COL19A1: variants seen among roughly 807,000 people sequenced by gnomAD.
COL19A1 encodes the protein collagen alpha-1(XIX) chain.
Under a neutral mutation model 190.2 loss-of-function variants are expected in COL19A1, and 159 were observed. That is an observed-to-expected ratio of 0.84 (90% CI 0.73 to 0.95). The LOEUF (loss-of-function observed/expected upper bound fraction) is 0.95. Among genes scored for constraint, COL19A1 ranks in the 40% least tolerant of loss-of-function variants. The probability of loss-of-function intolerance (pLI) is 0.00; values close to 1 mark genes in which losing one functional copy is unlikely to be tolerated. For missense variants in COL19A1, 1,418 were observed against 1,431.9 expected (o/e 0.99, Z 0.16); for synonymous variants, 509 against 458.9 (o/e 1.11, Z -1.39).
intron 9 of COL19A1, among the ~76,000 whole-genome samples, chr6:69,952,305 G>A (rs951547519): frequency 5.9e-5 from 9 of 151,880 alleles, no homozygotes; most frequent in African/African-American, 2.2e-4. Flanking sequence ...TTGACTCTCT[G>A]GAGATTCTTA....
chr6:69,889,248 A>G (rs965348281), intron 2 of COL19A1, among the ~76,000 whole-genome samples: 13 of 152,232 alleles, frequency 8.5e-5, no homozygotes, highest in African/African-American at 2.9e-4. Flanking sequence ...ACAGATTTTA[A>G]TCGTGACTTT....
intron 49 of COL19A1, among the ~76,000 whole-genome samples, chr6:70,205,886 T>C (rs1767818398): frequency 6.6e-6 from 1 of 152,226 alleles, no homozygotes; most frequent in Admixed American, 6.5e-5. Flanking sequence ...GTTGATGAAG[T>C]ACATTTGGGA....
chr6:70,153,517 C>G (rs1242743784), intron 31 of COL19A1, among the ~76,000 whole-genome samples: 1 of 151,944 alleles, frequency 6.6e-6, no homozygotes, highest in Non-Finnish European at 1.5e-5. Context: ...TTCTGGTAAC[C>G]CTAACCCAAA....
At chr6:69,876,360 C>T (rs565940848) in intron 1 of COL19A1, among the ~76,000 whole-genome samples, 2 of 152,148 alleles carry the variant, frequency 1.3e-5, no homozygotes, top group East Asian at 1.9e-4. Flanking sequence ...ACCAAAGCTT[C>T]GGTGAACATA....
chr6:69,900,018 A>AT (rs1339408828), intron 3 of COL19A1, among the ~76,000 whole-genome samples: 4 of 152,062 alleles, frequency 2.6e-5, no homozygotes, highest in Admixed American at 6.6e-5. Context: ...TATATTCATG[A>AT]TTTTTTTCTA....
intron 15 of COL19A1, among the ~76,000 whole-genome samples, chr6:70,093,853 A>T (rs1339371553): frequency 6.6e-6 from 1 of 152,168 alleles, no homozygotes; most frequent in Non-Finnish European, 1.5e-5. Flanking sequence ...TTAGTTACAG[A>T]TAGAGTCCAT....
At chr6:70,172,215 A>G (rs953222926) in intron 41 of COL19A1, among the ~76,000 whole-genome samples, 198 bp downstream of exon 41, 23 of 152,300 alleles carry the variant, frequency 1.5e-4, no homozygotes, top group African/African-American at 4.3e-4. Context: ...ATTACATCTT[A>G]TTGTTGGGGC....
chr6:70,080,186 C>T (rs3806009), intron 15 of COL19A1, among the ~76,000 whole-genome samples: 66,551 of 151,818 alleles, frequency 0.44, 15,773 homozygotes, highest in Non-Finnish European at 0.53. Context: ...TTTAGTAAAA[C>T]ATTTGCTGTT....
rs1768211515 is a variant in COL19A1 at position 70,211,566 on chromosome 6, G to T, written c.*4292G>T. Reference sequence around the variant, plus strand: ...AGATAATTGAATTTGTATCTTGTATGCCTATGTAATTCAAAGTGACTTAGT... The same window carrying T: ...AGATAATTGAATTTGTATCTTGTATTCCTATGTAATTCAAAGTGACTTAGT... On this transcript the variant is annotated 3_prime_UTR_variant, in exon 51 of 51. Transcript: ENST00000620364. Among the ~76,000 whole-genome samples, 1 of 148,866 alleles carries T rather than the reference G, an allele frequency of 6.7e-6. No homozygotes were observed. The highest frequency in any genetic ancestry group is 2.5e-5 in the African/African-American group (1 of 40,312).
chr6:70,001,085 A>G (rs184045564), intron 11 of COL19A1, among the ~76,000 whole-genome samples: 1 of 152,258 alleles, frequency 6.6e-6, no homozygotes. Context: ...TTTTCTGGGT[A>G]TGGCTAGCCA....
intron 1 of COL19A1, among the ~76,000 whole-genome samples, chr6:69,874,799 A>G (rs1208956933): frequency 6.6e-6 from 1 of 152,184 alleles, no homozygotes; most frequent in African/African-American, 2.4e-5. Flanking sequence ...AATATTCATG[A>G]TAATGACCCT....
chr6:70,163,304 T>C (rs1787924988), intron 35 of COL19A1, 39 bp from the exon 36 acceptor site: 5 of 1,594,192 alleles, frequency 3.1e-6, no homozygotes, highest in South Asian at 1.1e-5. Flanking sequence ...GGCCATTTAA[T>C]TGTTGTTTCT....
chr6:70,064,246 G>A (rs1046658458), intron 14 of COL19A1, among the ~76,000 whole-genome samples: 5 of 152,106 alleles, frequency 3.3e-5, no homozygotes, highest in South Asian at 2.1e-4. Context: ...CTGGAAAACC[G>A]AATCCAGCAG....
intron 11 of COL19A1, among the ~76,000 whole-genome samples, chr6:70,016,372 AAAAAAAAAAAAACACATG>A (rs1778090925): frequency 7.7e-6 from 1 of 129,128 alleles, no homozygotes; most frequent in Non-Finnish European, 1.6e-5. Context: ...ATAATAAAAA[AAAAAAAAAAAAACACATG>A]AAAAAAAAAA....
At chr6:70,159,924 T>C (rs1196944527) in intron 34 of COL19A1, among the ~76,000 whole-genome samples, 1 of 152,138 alleles carries the variant, frequency 6.6e-6, no homozygotes, top group Admixed American at 6.6e-5. Flanking sequence ...CACATGGTTA[T>C]CTGAAATAAC....
rs189727414 is a variant in COL19A1 at position 69,976,203 on chromosome 6, A to G, written c.1026+13333A>G. 6.6e-5 allele frequency among the ~76,000 whole-genome samples: 10 copies of G among 152,304 alleles called. No individual in the cohort carries two copies. In the East Asian group the frequency reaches 1.7e-3, roughly 26 times the overall value. ...CAGTGGCTAATTTCCATGAGCTCTT[A>G]GTTATCTGCCCTTAATCTGTCCTCT... On this transcript the variant is annotated intron_variant, in intron 11 of 50. Coordinates refer to ENST00000620364, the MANE Select transcript of COL19A1 (RefSeq NM_001858.6).
chr6:70,195,640 T>C (rs970309140), intron 48 of COL19A1, among the ~76,000 whole-genome samples: 9 of 152,184 alleles, frequency 5.9e-5, no homozygotes, highest in Non-Finnish European at 1.3e-4. Context: ...TGCCTAGCTG[T>C]ATAGAGAAAG....
intron 19 of COL19A1, 44 bp from the exon 20 acceptor site, chr6:70,140,910 A>G (rs1383727866): frequency 6.3e-7 from 1 of 1,599,900 alleles, no homozygotes; most frequent in African/African-American, 1.3e-5. Flanking sequence ...TGGAGAGTTT[A>G]TTTCTAAGAG....
chr6:70,035,744 G>T (rs950633528), intron 13 of COL19A1, among the ~76,000 whole-genome samples, 160 bp from the exon 14 acceptor site: 10 of 152,122 alleles, frequency 6.6e-5, no homozygotes, highest in African/African-American at 2.2e-4. Flanking sequence ...AAAGGGACAT[G>T]ATATATTTTC....
Sources: gnomAD v4.1 joint callset for allele counts (sites outside exome capture counted in the v4.1 genomes callset) on GRCh38, gnomAD v4.1.1 for gene constraint, MANE v1.5 for transcripts, NCBI Gene and HGNC (gene_info 2026-07-23, HGNC 2026-07-21) for gene names.